RTL4: variants seen among roughly 807,000 people sequenced by gnomAD.
The protein encoded by RTL4 is retrotransposon Gag-like protein 4.
RTL4 carries 4 observed loss-of-function variants against 5.3 expected under a neutral mutation model. The ratio of observed to expected loss-of-function variants is 0.75; its 90% confidence interval spans 0.37 to 1.72. The LOEUF (loss-of-function observed/expected upper bound fraction) is 1.72, where lower values mean the gene tolerates loss of function less well. RTL4 is among the 40% of genes most tolerant of loss of function. The pLI is 0.04. For synonymous variants in RTL4, 98 were observed against 87.3 expected, an observed-to-expected ratio of 1.12 and a Z score of -0.68; for missense variants, 260 against 227.1, an observed-to-expected ratio of 1.14 and a Z score of -0.93.
the RTL4 span, among the ~76,000 whole-genome samples, chrX:112,417,810 A>C: frequency 9.0e-6 from 1 of 111,524 alleles, no homozygotes; most frequent in African/African-American, 3.3e-5. Context: ...ACCAAACAAA[A>C]CAAAACACCA....
At chrX:112,328,268 T>C in the RTL4 span, among the ~76,000 whole-genome samples, 1 of 110,458 alleles carries the variant, frequency 9.1e-6, no homozygotes, top group Non-Finnish European at 1.9e-5. Context: ...ACCCATCTCA[T>C]GTGCAGAGAC....
chrX:112,400,229 T>G, the RTL4 span, among the ~76,000 whole-genome samples: 2 of 111,614 alleles, frequency 1.8e-5, no homozygotes, highest in Admixed American at 1.9e-4. Flanking sequence ...AGCAATTATT[T>G]GAGGTGATTT....
At chrX:112,122,417 T>C in the RTL4 span, among the ~76,000 whole-genome samples, 2 of 109,882 alleles carry the variant, frequency 1.8e-5, no homozygotes, top group Admixed American at 2.0e-4. Flanking sequence ...AGTAGAAAGA[T>C]GGTTACCAGA....
At chrX:112,351,764 T>C in the RTL4 span, among the ~76,000 whole-genome samples, 1 of 111,434 alleles carries the variant, frequency 9.0e-6, no homozygotes, top group African/African-American at 3.3e-5. Context: ...TGTGTGTCTC[T>C]GCACATGAGA....
chrX:112,088,955 A>G, the RTL4 span, among the ~76,000 whole-genome samples: 5 of 111,362 alleles, frequency 4.5e-5, no homozygotes, highest in Admixed American at 3.8e-4. Context: ...TAAATGTTCC[A>G]TAAACTAGTC....
chrX:112,407,575 A>G, the RTL4 span, among the ~76,000 whole-genome samples: 1 of 112,488 alleles, frequency 8.9e-6, no homozygotes, highest in Non-Finnish European at 1.9e-5. Flanking sequence ...GCCTGGAGGC[A>G]CTCATCACCC....
At chrX:112,435,975 G>T in the RTL4 span, among the ~76,000 whole-genome samples, 1 of 111,696 alleles carries the variant, frequency 9.0e-6, no homozygotes, top group Admixed American at 9.5e-5. Flanking sequence ...CTAGCATTCC[G>T]GGAGGCCGAG....
the RTL4 span, among the ~76,000 whole-genome samples, chrX:112,197,909 GT>G: frequency 8.9e-6 from 1 of 111,999 alleles, no homozygotes; most frequent in South Asian, 3.8e-4. Context: ...TCCCAAATTA[GT>G]TTCTGTAGAC....
At chrX:112,405,910 G>T in the RTL4 span, among the ~76,000 whole-genome samples, 2 of 110,686 alleles carry the variant, frequency 1.8e-5, no homozygotes, top group African/African-American at 6.6e-5. Context: ...GAGTGTTTTT[G>T]TCCCCTGGGG....
the RTL4 span, among the ~76,000 whole-genome samples, chrX:112,333,590 G>C: frequency 9.0e-6 from 1 of 111,525 alleles, no homozygotes; most frequent in African/African-American, 3.3e-5. Flanking sequence ...TACTGGCTGA[G>C]CATCCCAAAT....
the RTL4 span, among the ~76,000 whole-genome samples, chrX:112,389,641 C>T: frequency 9.0e-6 from 1 of 111,299 alleles, no homozygotes; most frequent in Non-Finnish European, 1.9e-5. Flanking sequence ...TGATTTCTGC[C>T]TTAATTTCAT....
At chrX:112,152,415 A>C in the RTL4 span, among the ~76,000 whole-genome samples, 1 of 111,972 alleles carries the variant, frequency 8.9e-6, no homozygotes, top group East Asian at 2.8e-4. Flanking sequence ...ATTCCTCACT[A>C]GACTGTAACC....
the RTL4 span, among the ~76,000 whole-genome samples, chrX:112,369,054 C>A: frequency 8.9e-6 from 1 of 112,585 alleles, no homozygotes; most frequent in African/African-American, 3.2e-5. Context: ...TGCCCATATT[C>A]TTTTTGGCCA....
the RTL4 span, among the ~76,000 whole-genome samples, chrX:112,145,110 C>T: frequency 9.0e-6 from 1 of 111,016 alleles, no homozygotes. Flanking sequence ...GGTGATGTTT[C>T]GAACTTCTTC....
chrX:112,175,351 G>C, the RTL4 span, among the ~76,000 whole-genome samples: 1 of 103,682 alleles, frequency 9.6e-6, no homozygotes, highest in East Asian at 3.1e-4. Context: ...TTTCCCCATT[G>C]CTTGTTTTTC....
At chrX:112,301,751 C>T in the RTL4 span, among the ~76,000 whole-genome samples, 93 of 108,502 alleles carry the variant, frequency 8.6e-4, no homozygotes, top group African/African-American at 2.8e-3. Flanking sequence ...TCACTTGAGT[C>T]CAGAAGTTCG....
At chrX:112,128,892 A>C in the RTL4 span, among the ~76,000 whole-genome samples, 35 of 111,395 alleles carry the variant, frequency 3.1e-4, no homozygotes, top group African/African-American at 1.0e-3. Flanking sequence ...TTATCAACAA[A>C]TGTAAAAGAT....
the RTL4 span, among the ~76,000 whole-genome samples, chrX:112,412,272 A>G: frequency 6.3e-5 from 7 of 110,499 alleles, no homozygotes; most frequent in African/African-American, 2.3e-4. Flanking sequence ...TAAAATCTCC[A>G]TAATACCCAA....
At chrX:112,418,570 G>C in the RTL4 span, among the ~76,000 whole-genome samples, 71 of 111,414 alleles carry the variant, frequency 6.4e-4, no homozygotes, top group Non-Finnish European at 1.2e-3. Context: ...CTATGACACA[G>C]AAGAGACCTA....
Sources: allele counts gnomAD v4.1 joint callset (sites outside exome capture counted in the v4.1 genomes callset), GRCh38; gene constraint gnomAD v4.1.1; transcripts MANE v1.5; gene names NCBI Gene and HGNC (gene_info 2026-07-23, HGNC 2026-07-21).